The following RAD54L variants were observed in gnomAD, a reference collection of about 807,000 sequenced individuals.
RAD54L encodes DNA repair and recombination protein RAD54-like.
RAD54L carries 74 observed loss-of-function variants against 91.6 expected under a neutral mutation model. The ratio of observed to expected loss-of-function variants is 0.81; its 90% CI spans 0.67 to 0.98. The LOEUF is 0.98. Ranked by LOEUF, RAD54L falls within the 50% of genes least tolerant of loss-of-function variation. The pLI is 0.00. For missense variants in RAD54L, 887 were observed against 945.7 expected (o/e 0.94, Z 0.81); for synonymous variants, 304 against 349.7 (o/e 0.87, Z 1.46).
chr1:46,261,470 G>C, intron 8 of RAD54L, 85 bp downstream of exon 8: 8 of 1,534,328 alleles, frequency 5.2e-6, no homozygotes, highest in Non-Finnish European at 7.2e-6. Context: ...GGCTGTGCTA[G>C]TCACTGGGGA....
chr1:46,273,731 C>G lies in RAD54L; in HGVS notation c.1594C>G (p.Leu532Val). The change falls in exon 14 of 18, where the codon CTG becomes GTG. Residue 532 changes from leucine to valine, a missense_variant. By Grantham distance (32) the Leu-to-Val change is conservative. Coordinates refer to ENST00000371975, the MANE Select transcript of RAD54L (RefSeq NM_003579.4). ...CCAGACTTTGGATCTCTTTGAGAAG[C>G]TGTGCCGTGCCCGAAGGTAGGGAAG... ...YTQTLDLFEK[L>V]CRARRYLYVR... 6.2e-7 allele frequency: 1 copy of G among 1,610,156 alleles called. No homozygotes were observed. Among genetic ancestry groups the G allele is most frequent in the East Asian group, 2.2e-5 (1 of 44,820 alleles).
At chr1:46,266,037 A>G (rs765760590) in intron 8 of RAD54L, among the ~76,000 whole-genome samples, 6 of 152,260 alleles carry the variant, frequency 3.9e-5, no homozygotes, top group Non-Finnish European at 8.8e-5. Flanking sequence ...ATAGTGCCAC[A>G]GGAGCACAGA....
chr1:46,264,863 C>T (rs895396412), intron 8 of RAD54L, among the ~76,000 whole-genome samples: 2 of 152,184 alleles, frequency 1.3e-5, no homozygotes, highest in African/African-American at 4.8e-5. Flanking sequence ...CTGTGCTCCT[C>T]ATTGAGACCC....
Position 46,278,133 on chromosome 1 carries a change from T to C in RAD54L, c.2095T>C (p.Cys699Arg), listed in dbSNP as rs756966502. 1.2e-6 allele frequency: 2 copies of C among 1,613,836 alleles called. No individual in the cohort carries two copies. Among genetic ancestry groups the C allele is most frequent in the Non-Finnish European group, 8.5e-7 (1 of 1,179,938 alleles). The change falls in exon 18 of 18, where the codon TGC becomes CGC. Residue 699 changes from cysteine to arginine, a missense_variant. Transcript: ENST00000371975. ...QIRPPPDGSDCTSDLAGWNHC... is the reference protein window; with the variant it reads ...QIRPPPDGSDRTSDLAGWNHC... ...CCGGCCACCCCCTGATGGTTCTGACTGCACTTCAGACCTGGCAGGGTGGAA... is the reference window on the plus strand; with the variant it reads ...CCGGCCACCCCCTGATGGTTCTGACCGCACTTCAGACCTGGCAGGGTGGAA...
At chr1:46,261,412 G>A (rs1171425534) in intron 8 of RAD54L, 27 bp downstream of exon 8, 1 of 1,613,686 alleles carries the variant, frequency 6.2e-7, no homozygotes, top group Non-Finnish European at 8.5e-7. Flanking sequence ...AGTCTGGGTG[G>A]TAGGAGAAAA....
At chr1:46,249,579 C>A (rs1380126643) in intron 2 of RAD54L, among the ~76,000 whole-genome samples, 4 of 152,250 alleles carry the variant, frequency 2.6e-5, no homozygotes, top group Admixed American at 2.0e-4. Flanking sequence ...CCATGGGTGG[C>A]CTGAGTGGGG....
intron 4 of RAD54L, among the ~76,000 whole-genome samples, chr1:46,259,703 G>A (rs1039855229): frequency 2.0e-5 from 3 of 151,834 alleles, no homozygotes; most frequent in African/African-American, 7.3e-5. Flanking sequence ...TTGAACCTGG[G>A]AGGCAGAGGT....
intron 2 of RAD54L, 98 bp from the exon 3 acceptor site, chr1:46,249,902 A>C (rs536265002): frequency 7.4e-7 from 1 of 1,345,984 alleles, no homozygotes; most frequent in South Asian, 1.2e-5. Flanking sequence ...AGAATTTAGC[A>C]CAGTGCCTGG....
In RAD54L at chr1:46,267,807, C is replaced by T. The variant is rs77851852; in HGVS notation, c.1042+198C>T. On this transcript the variant is annotated intron_variant, in intron 9 of 17. Transcript: ENST00000371975. ...ATCTGCTGAGCAACTCAGCAAAGCC[C>T]ATGTTGGCCATTTTTCCATTGCAGA... 3.1e-5 allele frequency: 22 copies of T among 702,498 alleles called. No individual in the cohort carries two copies. In the African/African-American group the frequency reaches 3.7e-4, roughly 12 times the overall value. The allele number at this position is 702,498 out of a possible 1,614,324, so 43.5% of individuals were successfully genotyped here.
intron 9 of RAD54L, among the ~76,000 whole-genome samples, chr1:46,268,010 G>C (rs2148295595): frequency 6.6e-6 from 1 of 152,186 alleles, no homozygotes; most frequent in Non-Finnish European, 1.5e-5. Flanking sequence ...CAATTCAGTG[G>C]TATTAAGTAC....
intron 3 of RAD54L, among the ~76,000 whole-genome samples, chr1:46,253,272 A>G (rs1399093369): frequency 6.6e-6 from 1 of 152,222 alleles, no homozygotes; most frequent in African/African-American, 2.4e-5. Flanking sequence ...GTTCACTGAA[A>G]CATTTTGACT....
At position 46,275,953 on chromosome 1, in the gene RAD54L, TAAAAAA is replaced by T. The variant is rs11378327; in HGVS notation, c.1869+1245_1869+1250del. Among the ~76,000 whole-genome samples, 989 of 147,204 alleles carry T rather than the reference TAAAAAA, an allele frequency of 6.7e-3. 13 individuals carry two copies. Among genetic ancestry groups the T allele is most frequent in the African/African-American group, 0.023 (935 of 40,048 alleles). ...TGGGTGACAGAACAGGATCCCGTCT[TAAAAAA>T]AAAAAAAATTTTTTTTCTCGTCTTT... is the stretch of plus-strand genomic sequence containing the variant. On this transcript the variant is annotated intron_variant, in intron 16 of 17. Transcript: ENST00000371975.
intron 3 of RAD54L, among the ~76,000 whole-genome samples, chr1:46,254,867 G>A (rs763393979): frequency 2.6e-5 from 4 of 152,182 alleles, no homozygotes; most frequent in Admixed American, 6.6e-5. Flanking sequence ...GATTACAGAC[G>A]TGAGTCACTG....
At position 46,260,425 on chromosome 1, in the gene RAD54L, G is replaced by A. The variant is rs1660077252; in HGVS notation, c.408-117G>A. On this transcript the variant is annotated intron_variant, in intron 5 of 17. Transcript: ENST00000371975. ...TATGGTTTTACGATTTATCAGCCAAGAAGGTCTTCTTTTAGGCAGCTGCCT... is the reference window on the plus strand; with the variant it reads ...TATGGTTTTACGATTTATCAGCCAAAAAGGTCTTCTTTTAGGCAGCTGCCT... The A allele has an allele frequency of 2.8e-6, 3 of 1,086,100 alleles. No individual in the cohort carries two copies. In the South Asian group the frequency reaches 3.8e-5, roughly 14 times the overall value. The allele number at this position is 1,086,100 out of a possible 1,614,324, so 67.3% of individuals were successfully genotyped here. A position where few individuals can be genotyped will look rare whatever the true frequency, so the allele number is the denominator to read the frequency against.
intron 10 of RAD54L, among the ~76,000 whole-genome samples, chr1:46,271,393 C>T (rs576394213): frequency 2.6e-5 from 4 of 152,292 alleles, no homozygotes; most frequent in Admixed American, 6.5e-5. Context: ...TGGTGGCTCA[C>T]GCCTATAATC....
At chr1:46,251,654 C>T (rs191169096) in intron 3 of RAD54L, among the ~76,000 whole-genome samples, 32 of 152,308 alleles carry the variant, frequency 2.1e-4, no homozygotes, top group Non-Finnish European at 3.4e-4. Context: ...TGCCTGTAAT[C>T]CCAGCATTCT....
At chr1:46,277,513 T>G in intron 16 of RAD54L, 1 of 463,348 alleles carries the variant, frequency 2.2e-6, no homozygotes, top group Non-Finnish European at 4.0e-6. Flanking sequence ...TTGGGCTTGG[T>G]GCAGAAATCT....
intron 16 of RAD54L, chr1:46,277,584 T>A: frequency 1.7e-6 from 1 of 573,248 alleles, no homozygotes; most frequent in Non-Finnish European, 3.1e-6. Context: ...CCTGGGACCC[T>A]TCATTAGTAT....
At chr1:46,253,065 C>CT (rs1306031388) in intron 3 of RAD54L, among the ~76,000 whole-genome samples, 2 of 151,822 alleles carry the variant, frequency 1.3e-5, no homozygotes, top group Non-Finnish European at 2.9e-5. Flanking sequence ...GAGACCCTGT[C>CT]TCAAAAGGAA....
Sources: allele counts gnomAD v4.1 joint callset (sites outside exome capture counted in the v4.1 genomes callset), GRCh38; gene constraint gnomAD v4.1.1; transcripts MANE v1.5; gene names NCBI Gene and HGNC (gene_info 2026-07-23, HGNC 2026-07-21).